The following ZNF135 variants were observed in gnomAD, a reference collection of about 807,000 sequenced individuals.
ZNF135 encodes zinc finger protein 135 (clone pHZ-17).
ZNF135 carries 11 observed loss-of-function variants against 12.3 expected under a neutral mutation model. The observed-to-expected ratio is 0.89, with a 90% CI of 0.56 to 1.48. The LOEUF (loss-of-function observed/expected upper bound fraction) is 1.48, where lower values mean the gene tolerates loss of function less well. Among genes scored for constraint, ZNF135 ranks in the 40% most tolerant of loss-of-function variants. ZNF135 has a pLI of 0.00. For missense variants in ZNF135, 722 were observed against 815.7 expected (o/e 0.89, Z 1.40); for synonymous variants, 316 against 312.0 (o/e 1.01, Z -0.14).
In ZNF135 at chr19:58,059,616, G is replaced by C. The variant is rs1444647355; in HGVS notation, c.-35+306G>C. ...CCTGGCCCCACCTCTGCCCCACACC[G>C]GGCACTGGGCCGCCACCTTTGTTGA... On this transcript the variant is annotated intron_variant, in intron 1 of 4. Coordinates refer to ENST00000313434, the MANE Select transcript of ZNF135 (RefSeq NM_001289401.2). The surrounding 1 kb of genome is among the most constrained non-coding windows in gnomAD (Gnocchi z 6.5). 15 of 514,452 alleles carry C rather than the reference G, an allele frequency of 2.9e-5. No homozygotes were observed. The highest frequency in any genetic ancestry group is 1.9e-4 in the South Asian group (7 of 36,992). The allele number at this position is 514,452 out of a possible 1,614,324, so 31.9% of individuals were successfully genotyped here. A position where few individuals can be genotyped will look rare whatever the true frequency, so the allele number is the denominator to read the frequency against.
In ZNF135 at chr19:58,066,976, G is replaced by A. The variant is rs769147772; in HGVS notation, c.492G>A (p.Gly164=). 4 of 1,614,204 alleles carry A rather than the reference G, an allele frequency of 2.5e-6. No individual in the cohort carries two copies. Among genetic ancestry groups the A allele is most frequent in the Non-Finnish European group, 3.4e-6 (4 of 1,180,034 alleles). ...TPVLEQWQRN[G]FGENISLNPD... ...TTCTGGAGCAGTGGCAGAGGAATGG[G>A]TTTGGGGAAAACATAAGTCTGAACC... Residue 164 remains glycine (G), a synonymous_variant, in exon 5 of 5, where the codon GGG becomes GGA. Coordinates refer to ENST00000313434, the MANE Select transcript of ZNF135 (RefSeq NM_001289401.2).
Position 58,065,218 on chromosome 19 carries a change from G to A in ZNF135, c.257-1523G>A, listed in dbSNP as rs1448480648. Among the ~76,000 whole-genome samples, 2 of 152,004 alleles carry A rather than the reference G, an allele frequency of 1.3e-5. No homozygotes were observed. The highest frequency in any genetic ancestry group is 2.9e-5 in the Non-Finnish European group (2 of 68,002). ...CTCCTTTTTGTTTTTTTAAGAGATGGGGTCTTGCTATCTTGCCTAGGATGG... is the reference window on the plus strand; with the variant it reads ...CTCCTTTTTGTTTTTTTAAGAGATGAGGTCTTGCTATCTTGCCTAGGATGG... On this transcript the variant is annotated intron_variant, in intron 4 of 4. Coordinates refer to ENST00000313434, the MANE Select transcript of ZNF135 (RefSeq NM_001289401.2). The surrounding 1 kb of genome is among the most constrained non-coding windows in gnomAD (Gnocchi z 4.0).
Position 58,060,370 on chromosome 19 carries a change from C to A in ZNF135, c.33+335C>A. ...CAAGCTCCCCAACCACAGCCTGCCT[C>A]TGAAAGGACCGCCCACGCCGCGCTG... On this transcript the variant is annotated intron_variant, in intron 2 of 4. Coordinates refer to ENST00000313434, the MANE Select transcript of ZNF135 (RefSeq NM_001289401.2). The surrounding 1 kb of genome is among the most constrained non-coding windows in gnomAD (Gnocchi z 4.9). 7.9e-7 allele frequency: 1 copy of A among 1,264,214 alleles called. No individual in the cohort carries two copies. Among genetic ancestry groups the A allele is most frequent in the Non-Finnish European group, 1.0e-6 (1 of 996,390 alleles). The allele number at this position is 1,264,214 out of a possible 1,614,324, so 78.3% of individuals were successfully genotyped here. A position where few individuals can be genotyped will look rare whatever the true frequency, so the allele number is the denominator to read the frequency against.
rs2073937988 is a variant in ZNF135 at position 58,059,880 on chromosome 19, A to G, written c.-34-89A>G. The G allele has an allele frequency of 1.3e-6, 2 of 1,506,776 alleles. 1 individual carries two copies. Among genetic ancestry groups the G allele is most frequent in the South Asian group, 2.4e-5 (2 of 83,854 alleles). 93.3% of individuals were successfully genotyped at this position (1,506,776 alleles called of 1,614,324 possible). On this transcript the variant is annotated intron_variant, in intron 1 of 4. Transcript: ENST00000313434. The surrounding 1 kb of genome is among the most constrained non-coding windows in gnomAD (Gnocchi z 6.5). ...CGGGGCCCTGGACGGCTCTCCGCGGAGCTCCCCAGGCTCTGGCGCAGTTCC... is the reference window on the plus strand; with the variant it reads ...CGGGGCCCTGGACGGCTCTCCGCGGGGCTCCCCAGGCTCTGGCGCAGTTCC...
At chr19:58,066,364 A>G (rs1457845896) in intron 4 of ZNF135, among the ~76,000 whole-genome samples, 1 of 152,112 alleles carries the variant, frequency 6.6e-6, no homozygotes, top group Non-Finnish European at 1.5e-5. Context: ...TGGGTGCCAC[A>G]CTGCTCCTTC....
At position 58,063,471 on chromosome 19, in the gene ZNF135, C is replaced by T; in HGVS notation, c.186C>T (p.Val62=). The T allele has an allele frequency of 6.2e-7, 1 of 1,614,126 alleles. No homozygotes were observed. The highest frequency in any genetic ancestry group is 1.1e-5 in the South Asian group (1 of 91,064). The change falls in exon 4 of 5, where the codon GTC becomes GTT. Residue 62 remains valine, a synonymous_variant. Transcript: ENST00000313434. The surrounding 1 kb of genome is among the most constrained non-coding windows in gnomAD (Gnocchi z 4.4). Reference sequence around the variant, plus strand: ...GACATTGGTTACCGAAGCCGAATGTCATCTCCCTGCTGGAGCAAGAGGCAG... The same window carrying T: ...GACATTGGTTACCGAAGCCGAATGTTATCTCCCTGCTGGAGCAAGAGGCAG... The part of the protein sequence containing the change: ...SVGHWLPKPN[V]ISLLEQEAEL...
Position 58,059,301 on chromosome 19 carries a change from A to T in ZNF135, c.-44A>T, listed in dbSNP as rs746964623. The T allele has an allele frequency of 6.9e-6, 9 of 1,312,032 alleles. No individual in the cohort carries two copies. The Admixed American group carries it at 8.8e-5, about 13-fold the overall frequency. 81.3% of individuals were successfully genotyped at this position (1,312,032 alleles called of 1,614,324 possible). A position where few individuals can be genotyped will look rare whatever the true frequency, so the allele number is the denominator to read the frequency against. The stretch of plus-strand genomic sequence containing the variant: ...GCCGGTGCCGCGGCCTTTGTCTCGC[A>T]GTCAGGAGGGTGAGCTAGGCCGGCG... On this transcript the variant is annotated 5_prime_UTR_variant, in exon 1 of 5. Coordinates refer to ENST00000313434, the MANE Select transcript of ZNF135 (RefSeq NM_001289401.2). The surrounding 1 kb of genome is among the most constrained non-coding windows in gnomAD (Gnocchi z 6.5).
At position 58,068,266 on chromosome 19, in the gene ZNF135, C is replaced by G. The variant is rs1476586540; in HGVS notation, c.1782C>G (p.Ser594Arg). 1.2e-6 allele frequency: 2 copies of G among 1,614,114 alleles called. No individual in the cohort carries two copies. Among genetic ancestry groups the G allele is most frequent in the Non-Finnish European group, 1.7e-6 (2 of 1,180,022 alleles). ...CCTTCAGCCACAGCTCCTCGCTCAG[C>G]CAGCACGAAAGGACGCACACTGGGG... The part of the protein sequence containing the change: ...GKSFSHSSSL[S>R]QHERTHTGEK... Residue 594 changes from serine (S) to arginine (R), a missense_variant, in exon 5 of 5, where the codon AGC becomes AGG. Ser to Arg is a moderately radical substitution (Grantham distance 110). Transcript: ENST00000313434.
At chr19:58,064,853 G>A (rs1389374457) in intron 4 of ZNF135, among the ~76,000 whole-genome samples, 1 of 152,136 alleles carries the variant, frequency 6.6e-6, no homozygotes, top group Non-Finnish European at 1.5e-5. Context: ...TCACGCCACT[G>A]TGCTCCTGCC....
At position 58,067,988 on chromosome 19, in the gene ZNF135, G is replaced by C; in HGVS notation, c.1504G>C (p.Ala502Pro). ...CTATGAATGCAATGACTGCGGCAAG[G>C]CATTCAGTCACAGCTCGTCCCTCAC... is the stretch of plus-strand genomic sequence containing the variant. The part of the protein sequence containing the change: ...KPYECNDCGK[A>P]FSHSSSLTKH... The change falls in exon 5 of 5, where the codon GCA becomes CCA. Residue 502 changes from alanine to proline, a missense_variant. Transcript: ENST00000313434. 1.2e-6 allele frequency: 2 copies of C among 1,613,878 alleles called. No individual in the cohort carries two copies. Among genetic ancestry groups the C allele is most frequent in the Non-Finnish European group, 1.7e-6 (2 of 1,179,988 alleles).
At chr19:58,061,268 C>T (rs1047347118) in intron 2 of ZNF135, among the ~76,000 whole-genome samples, 2 of 152,192 alleles carry the variant, frequency 1.3e-5, no homozygotes, top group African/African-American at 4.8e-5. Context: ...GTGATCCTCC[C>T]ACCTCAGCCT....
intron 4 of ZNF135, among the ~76,000 whole-genome samples, chr19:58,064,452 G>T (rs967867201): frequency 1.3e-5 from 2 of 152,108 alleles, no homozygotes; most frequent in Non-Finnish European, 2.9e-5. Flanking sequence ...TGAAGACAAT[G>T]AGGATGAAGA....
Position 58,059,892 on chromosome 19 carries a change from T to G in ZNF135, c.-34-77T>G. ...CGGCTCTCCGCGGAGCTCCCCAGGCTCTGGCGCAGTTCCCCGGCTTGGGGA... is the reference window on the plus strand; with the variant it reads ...CGGCTCTCCGCGGAGCTCCCCAGGCGCTGGCGCAGTTCCCCGGCTTGGGGA... On this transcript the variant is annotated intron_variant, in intron 1 of 4. Coordinates refer to ENST00000313434, the MANE Select transcript of ZNF135 (RefSeq NM_001289401.2). The surrounding 1 kb of genome is among the most constrained non-coding windows in gnomAD (Gnocchi z 6.5). 6.4e-7 allele frequency: 1 copy of G among 1,559,768 alleles called. No homozygotes were observed. Among genetic ancestry groups the G allele is most frequent in the Non-Finnish European group, 8.7e-7 (1 of 1,146,274 alleles).
At position 58,063,736 on chromosome 19, in the gene ZNF135, A is replaced by AG; in HGVS notation, c.256+196dup. 7.4e-7 allele frequency: 1 copy of AG among 1,353,622 alleles called. No homozygotes were observed. The highest frequency in any genetic ancestry group is 3.1e-5 in the Admixed American group (1 of 31,854). The allele number at this position is 1,353,622 out of a possible 1,614,324, so 83.9% of individuals were successfully genotyped here. ...ACTGAATTTATATTCTTGGTGAGGGAGTGGGGGAAACAAACAATAAATCGG... is the reference window on the plus strand; with the variant it reads ...ACTGAATTTATATTCTTGGTGAGGGAGGTGGGGGAAACAAACAATAAATCGG... On this transcript the variant is annotated intron_variant, in intron 4 of 4. Coordinates refer to ENST00000313434, the MANE Select transcript of ZNF135 (RefSeq NM_001289401.2). The surrounding 1 kb of genome is among the most constrained non-coding windows in gnomAD (Gnocchi z 4.4).
Position 58,061,719 on chromosome 19 carries a change from C to G in ZNF135, c.160+13C>G. 6.2e-7 allele frequency: 1 copy of G among 1,604,338 alleles called. No homozygotes were observed. The highest frequency in any genetic ancestry group is 8.5e-7 in the Non-Finnish European group (1 of 1,176,434). On this transcript the variant is annotated intron_variant, in intron 3 of 4. Coordinates refer to ENST00000313434, the MANE Select transcript of ZNF135 (RefSeq NM_001289401.2). The stretch of plus-strand genomic sequence containing the variant: ...CTGGTCTCTGTGGGTAAGGCCACAC[C>G]CATGTCCTATCTGTTGATCTGTCCC...
chr19:58,066,638 G>A (rs767620611), intron 4 of ZNF135, 103 bp from the exon 5 acceptor site: 64 of 1,480,040 alleles, frequency 4.3e-5, no homozygotes, highest in African/African-American at 9.9e-5. Context: ...AACCTTGAAC[G>A]TTTCAAAATA....
chr19:58,061,765 C>T, intron 3 of ZNF135, 59 bp downstream of exon 3: 1 of 1,545,588 alleles, frequency 6.5e-7, no homozygotes, highest in Non-Finnish European at 8.7e-7. Flanking sequence ...TCTGATTCTA[C>T]CAGGTTAAAT....
rs777580847 is a variant in ZNF135, at chr19:58,066,934, G to A, written c.450G>A (p.Thr150=). The part of the protein sequence containing the change: ...LESLAVPVAF[T]PVKTPVLEQW... ...GCCTGGCAGTGCCGGTGGCCTTCAC[G>A]CCTGTGAAGACGCCTGTTCTGGAGC... The change falls in exon 5 of 5, where the codon ACG becomes ACA. Residue 150 remains threonine, a synonymous_variant. Coordinates refer to ENST00000313434, the MANE Select transcript of ZNF135 (RefSeq NM_001289401.2). The A allele has an allele frequency of 1.6e-5, 26 of 1,614,078 alleles. No homozygotes were observed. The highest frequency in any genetic ancestry group is 8.9e-5 in the East Asian group (4 of 44,896).
In ZNF135 at chr19:58,069,553, A is replaced by G. The variant is rs541714144; in HGVS notation, c.*1092A>G. 1.1e-4 allele frequency: 17 copies of G among 152,294 alleles called. No homozygotes were observed. The South Asian group carries it at 3.3e-3, about 30-fold the overall frequency. 9.4% of individuals were successfully genotyped at this position (152,294 alleles called of 1,614,324 possible). On this transcript the variant is annotated 3_prime_UTR_variant, in exon 5 of 5. Transcript: ENST00000313434. Reference sequence around the variant, plus strand: ...TCTTTCTGACAACTATAACCTTTAAATGGTGACTTGCTGCCCTCATTAGAA... The same window carrying G: ...TCTTTCTGACAACTATAACCTTTAAGTGGTGACTTGCTGCCCTCATTAGAA...
Sources: allele counts gnomAD v4.1 joint callset (sites outside exome capture counted in the v4.1 genomes callset), GRCh38; gene constraint gnomAD v4.1.1; non-coding constraint Gnocchi (gnomAD v3.1); transcripts MANE v1.5; gene names NCBI Gene and HGNC (gene_info 2026-07-23, HGNC 2026-07-21).